CDH12: variants seen among roughly 807,000 people sequenced by gnomAD.
CDH12 encodes cadherin 12.
In CDH12, 41 loss-of-function variants were observed where a neutral mutation model predicts 74.1. The ratio of observed to expected loss-of-function variants is 0.55; its 90% CI spans 0.43 to 0.72. The LOEUF is 0.72. Ranked by LOEUF, CDH12 falls within the 30% of genes least tolerant of loss-of-function variation. The pLI, the probability that CDH12 is intolerant of heterozygous loss-of-function variation, is 0.00. For missense variants in CDH12, 945 were observed against 977.2 expected (o/e 0.97, Z 0.44); for synonymous variants, 399 against 355.0 (o/e 1.12, Z -1.39).
intron 1 of CDH12, among the ~76,000 whole-genome samples, chr5:22,817,929 C>G (rs73745217): frequency 0.023 from 3,568 of 152,090 alleles, 146 homozygotes; most frequent in African/African-American, 0.083. Context: ...TAGTTATATT[C>G]CAAGTAAACC....
intron 4 of CDH12, among the ~76,000 whole-genome samples, chr5:22,175,555 A>G (rs922832168): frequency 2.0e-5 from 3 of 151,698 alleles, no homozygotes; most frequent in African/African-American, 7.3e-5. Context: ...GGAAATGTAA[A>G]TTTTTTATAA....
chr5:22,045,602 C>CAAAAA (rs34753862), intron 5 of CDH12, among the ~76,000 whole-genome samples: 14 of 112,916 alleles, frequency 1.2e-4, no homozygotes, highest in African/African-American at 2.0e-4. Context: ...ACTATTCAGC[C>CAAAAA]AAAAAAAAAA....
chr5:22,691,438 C>G (rs1561580270), intron 1 of CDH12, among the ~76,000 whole-genome samples: 1 of 152,128 alleles, frequency 6.6e-6, no homozygotes, highest in Non-Finnish European at 1.5e-5. Context: ...AATTTACTAC[C>G]TATGTGATCT....
At chr5:21,777,827 A>G (rs1745678827) in intron 11 of CDH12, among the ~76,000 whole-genome samples, 1 of 152,188 alleles carries the variant, frequency 6.6e-6, no homozygotes, top group Non-Finnish European at 1.5e-5. Flanking sequence ...TCTAACTGAC[A>G]GATACAACTG....
intron 3 of CDH12, among the ~76,000 whole-genome samples, chr5:22,319,568 T>G (rs1282737380): frequency 3.9e-5 from 6 of 152,112 alleles, no homozygotes; most frequent in Non-Finnish European, 8.8e-5. Flanking sequence ...TGATAAAAAG[T>G]AAGAATTAGA....
Position 22,117,512 on chromosome 5 carries a change from A to AATATATATATAAT in CDH12, c.-186-38663_-186-38651dup, listed in dbSNP as rs1181028714. ...TATTATATATATATAATATATATAT[A>AATATATATATAAT]ATATATATATAATATATATATATAT... On this transcript the variant is annotated intron_variant, in intron 4 of 14. Coordinates refer to ENST00000382254, the MANE Select transcript of CDH12 (RefSeq NM_004061.5). Among the ~76,000 whole-genome samples, 166 of 58,448 alleles carry AATATATATATAAT rather than the reference A, an allele frequency of 2.8e-3. 3 individuals are homozygous for AATATATATATAAT. Among genetic ancestry groups the AATATATATATAAT allele is most frequent in the African/African-American group, 0.011 (150 of 13,346 alleles). The allele number at this position is 58,448 out of a possible 152,430, so 38.3% of individuals were successfully genotyped here.
At chr5:21,782,696 T>A (rs1745981009) in intron 11 of CDH12, among the ~76,000 whole-genome samples, 1 of 152,182 alleles carries the variant, frequency 6.6e-6, no homozygotes, top group Non-Finnish European at 1.5e-5. Flanking sequence ...ACTTTCACCC[T>A]GATCCATTAC....
chr5:22,369,705 A>G (rs1336248019), intron 3 of CDH12, among the ~76,000 whole-genome samples: 1 of 152,308 alleles, frequency 6.6e-6, no homozygotes, highest in East Asian at 1.9e-4. Flanking sequence ...CTCTTCGAAC[A>G]CACAAAATCT....
chr5:22,615,029 T>C (rs1737624684), intron 1 of CDH12, among the ~76,000 whole-genome samples: 2 of 152,134 alleles, frequency 1.3e-5, no homozygotes, highest in South Asian at 4.1e-4. Context: ...TCAGAACAAC[T>C]TAAAATGCAA....
chr5:22,108,427 A>C (rs151184584), intron 4 of CDH12, among the ~76,000 whole-genome samples: 1 of 152,360 alleles, frequency 6.6e-6, no homozygotes, highest in Non-Finnish European at 1.5e-5. Context: ...AAAAGATAAT[A>C]TTTTTATGAT....
chr5:22,027,456 G>T (rs1353801054), intron 5 of CDH12, among the ~76,000 whole-genome samples: 3 of 152,052 alleles, frequency 2.0e-5, no homozygotes, highest in Non-Finnish European at 4.4e-5. Flanking sequence ...GACTCTTTTT[G>T]GTTGGTAAGC....
intron 1 of CDH12, among the ~76,000 whole-genome samples, chr5:22,698,852 C>A (rs530213292): frequency 1.3e-5 from 2 of 150,076 alleles, no homozygotes; most frequent in African/African-American, 4.9e-5. Flanking sequence ...CATGAACATG[C>A]TTTATGGTGG....
intron 1 of CDH12, among the ~76,000 whole-genome samples, chr5:22,550,824 A>C (rs982342744): frequency 6.6e-6 from 1 of 152,194 alleles, no homozygotes; most frequent in African/African-American, 2.4e-5. Flanking sequence ...GGAAGCCCTG[A>C]ACATGGGTTC....
Position 22,429,265 on chromosome 5 carries a change from G to A in CDH12, c.-427-23914C>T, listed in dbSNP as rs1197592436. On this transcript the variant is annotated intron_variant, in intron 2 of 14. Coordinates refer to ENST00000382254, the MANE Select transcript of CDH12 (RefSeq NM_004061.5). ...TCCCACCTCAGCCTCCTGAGTAGAT[G>A]GGACTACAGTCATGCACAACCACTT... 7.2e-5 allele frequency among the ~76,000 whole-genome samples: 11 copies of A among 152,022 alleles called. No homozygotes were observed. The South Asian group carries it at 2.1e-3, about 29-fold the overall frequency.
At chr5:22,288,799 C>A (rs1425382205) in intron 3 of CDH12, among the ~76,000 whole-genome samples, 3 of 152,088 alleles carry the variant, frequency 2.0e-5, no homozygotes, top group Non-Finnish European at 2.9e-5. Flanking sequence ...TATTAATAGA[C>A]TTTGAATTTA....
At chr5:22,432,822 T>C (rs2126523993) in intron 2 of CDH12, among the ~76,000 whole-genome samples, 1 of 152,280 alleles carries the variant, frequency 6.6e-6, no homozygotes, top group Non-Finnish European at 1.5e-5. Context: ...ACTGAAATCT[T>C]TCATAGCTTG....
intron 1 of CDH12, among the ~76,000 whole-genome samples, chr5:22,840,903 G>T (rs1478975927): frequency 6.6e-6 from 1 of 152,240 alleles, no homozygotes; most frequent in South Asian, 2.1e-4. Context: ...GCTAGCAAAG[G>T]TGGGAGTAAA....
At chr5:22,277,123 C>T (rs1401078497) in intron 3 of CDH12, among the ~76,000 whole-genome samples, 1 of 152,148 alleles carries the variant, frequency 6.6e-6, no homozygotes, top group African/African-American at 2.4e-5. Flanking sequence ...GTGGCAGTAG[C>T]AAAGTAGCCC....
chr5:21,887,478 C>T (rs762746507), intron 6 of CDH12, among the ~76,000 whole-genome samples: 4 of 152,124 alleles, frequency 2.6e-5, no homozygotes, highest in Non-Finnish European at 5.9e-5. Context: ...GATCTTCCTC[C>T]CATAGTTAAA....
Sources: gnomAD v4.1 joint callset for allele counts (sites outside exome capture counted in the v4.1 genomes callset) on GRCh38, gnomAD v4.1.1 for gene constraint, MANE v1.5 for transcripts, NCBI Gene and HGNC (gene_info 2026-07-23, HGNC 2026-07-21) for gene names.